Variants in ATP2B2 observed in about 807,000 individuals in gnomAD.
ATP2B2 encodes the protein plasma membrane calcium-transporting ATPase 2.
Under a neutral mutation model 120.0 loss-of-function variants are expected in ATP2B2, and 15 were observed. The observed-to-expected ratio is 0.12, with a 90% CI of 0.08 to 0.19. The LOEUF is 0.19. ATP2B2 is among the 10% of genes least tolerant of loss of function. The pLI is 1.00. For synonymous variants in ATP2B2, 694 were observed against 700.3 expected (o/e 0.99, Z 0.14); for missense variants, 1,045 against 1,719.8 (o/e 0.61, Z 6.94).
intron 1 of ATP2B2, among the ~76,000 whole-genome samples, chr3:10,644,091 A>G (rs1559501763): frequency 6.6e-6 from 1 of 152,222 alleles, no homozygotes; most frequent in Non-Finnish European, 1.5e-5. Context: ...AAAGGCAAAC[A>G]ACCCAATTTA....
In ATP2B2 at chr3:10,595,856, T is replaced by A. The variant is rs562309928; in HGVS notation, c.-415+24061A>T. ...ATAGCCTACAAGGCTCTATGTGAAC[T>A]GACCCCTGCCCAGCAATCTGACCTC... On this transcript the variant is annotated intron_variant, in intron 2 of 21. Coordinates refer to the ATP2B2 transcript ENST00000646379. Among the ~76,000 whole-genome samples the A allele has an allele frequency of 1.6e-4, 24 of 152,310 alleles. 1 individual carries two copies. In the South Asian group the frequency reaches 5.0e-3, roughly 32 times the overall value.
intron 12 of ATP2B2, among the ~76,000 whole-genome samples, chr3:10,370,106 C>T (rs1205419144): frequency 6.6e-6 from 1 of 152,218 alleles, no homozygotes; most frequent in East Asian, 1.9e-4. Flanking sequence ...AGACTCAATC[C>T]ACCAACATCT....
At chr3:10,540,640 G>A (rs1040376984) in intron 2 of ATP2B2, among the ~76,000 whole-genome samples, 2 of 148,280 alleles carry the variant, frequency 1.3e-5, no homozygotes, top group African/African-American at 2.5e-5. Context: ...AACATTGCGT[G>A]TTCTCACTCA....
chr3:10,649,079 T>A (rs989037389), intron 1 of ATP2B2, among the ~76,000 whole-genome samples: 9 of 152,202 alleles, frequency 5.9e-5, no homozygotes, highest in South Asian at 2.1e-4. Flanking sequence ...TTTAAATTTT[T>A]TTATTATTAT....
Position 10,379,261 on chromosome 3 carries a change from C to A in ATP2B2, c.1024G>T (p.Asp342Tyr). The A allele has an allele frequency of 6.2e-7, 1 of 1,613,918 alleles. No individual in the cohort carries two copies. Among genetic ancestry groups the A allele is most frequent in the South Asian group, 1.1e-5 (1 of 91,070 alleles). ...GGGTTACCTTTGCTCTGGCTGGCGT[C>A]CACATTGCCATCCTGCATTTTACCT... ...VNGKMQDGNV[D>Y]ASQSKAKQQD... Residue 342 changes from aspartate to tyrosine, a missense_variant, in exon 9 of 23, where the codon GAC (aspartate) becomes TAC (tyrosine). Asp to Tyr is a radical substitution (Grantham distance 160). Transcript: ENST00000360273.
At chr3:10,384,240 G>A (rs1022638837) in intron 8 of ATP2B2, among the ~76,000 whole-genome samples, 1 of 152,164 alleles carries the variant, frequency 6.6e-6, no homozygotes, top group East Asian at 1.9e-4. Context: ...TCCATATTTT[G>A]CAGGAGTGGT....
At chr3:10,553,241 CAG>C (rs1244117613) in intron 2 of ATP2B2, among the ~76,000 whole-genome samples, 1 of 152,192 alleles carries the variant, frequency 6.6e-6, no homozygotes, top group Non-Finnish European at 1.5e-5. Context: ...TAGATTTCTG[CAG>C]AGTGTTTAAG....
At chr3:10,672,615 G>T (rs2071129720) in intron 1 of ATP2B2, among the ~76,000 whole-genome samples, 1 of 152,224 alleles carries the variant, frequency 6.6e-6, no homozygotes, top group Admixed American at 6.5e-5. Context: ...CCAGGATGCT[G>T]TCACTACATT....
intron 1 of ATP2B2, among the ~76,000 whole-genome samples, chr3:10,491,992 G>T (rs780338972): frequency 5.3e-5 from 8 of 152,232 alleles, no homozygotes; most frequent in Non-Finnish European, 7.3e-5. Flanking sequence ...CGACAGTGTG[G>T]TTACATCAGG....
intron 1 of ATP2B2, among the ~76,000 whole-genome samples, chr3:10,502,206 C>A (rs184890342): frequency 6.6e-6 from 1 of 152,314 alleles, no homozygotes; most frequent in African/African-American, 2.4e-5. Flanking sequence ...GTTGCAGCAG[C>A]AAGGTGCTCA....
intron 1 of ATP2B2, among the ~76,000 whole-genome samples, chr3:10,493,490 G>C (rs1458643579): frequency 6.6e-6 from 1 of 152,172 alleles, no homozygotes; most frequent in Non-Finnish European, 1.5e-5. Context: ...AGACCCAGAA[G>C]GGCTTACAGG....
rs947960022 is a variant in ATP2B2 at position 10,573,796 on chromosome 3, G to A, written c.-414-39663C>T. On this transcript the variant is annotated intron_variant, in intron 2 of 21. Coordinates refer to the ATP2B2 transcript ENST00000646379. The stretch of plus-strand genomic sequence containing the variant: ...TCTATACAAACTGTTCCACTGGGAC[G>A]TCCTGGAGACTCCCTGACTAAACTC... Among the ~76,000 whole-genome samples, 3 of 152,106 alleles carry A rather than the reference G, an allele frequency of 2.0e-5. 1 individual carries two copies. The South Asian group carries it at 6.2e-4, about 31-fold the overall frequency.
chr3:10,382,255 C>CA (rs2061552964), intron 8 of ATP2B2, among the ~76,000 whole-genome samples: 1 of 133,934 alleles, frequency 7.5e-6, no homozygotes, highest in Admixed American at 8.3e-5. Context: ...AGGCTGGTCT[C>CA]AAACTCTTGA....
At chr3:10,377,489 T>C (rs3774165) in intron 10 of ATP2B2, among the ~76,000 whole-genome samples, 30,143 of 152,220 alleles carry the variant, frequency 0.2, 3,381 homozygotes, top group East Asian at 0.38. Context: ...GGGAAGGCCT[T>C]GGCATTTGCT....
intron 2 of ATP2B2, among the ~76,000 whole-genome samples, chr3:10,426,737 G>A (rs1446276206): frequency 6.6e-6 from 1 of 152,182 alleles, no homozygotes; most frequent in Non-Finnish European, 1.5e-5. Flanking sequence ...CCAGGAAAGC[G>A]GAAGCCTTCA....
At chr3:10,526,603 G>T (rs1418991110) in intron 3 of ATP2B2, among the ~76,000 whole-genome samples, 1 of 152,188 alleles carries the variant, frequency 6.6e-6, no homozygotes, top group African/African-American at 2.4e-5. Context: ...ATTCCCCTGT[G>T]TGGCACCCCC....
At chr3:10,669,754 C>G (rs1220620207) in intron 1 of ATP2B2, among the ~76,000 whole-genome samples, 1 of 152,150 alleles carries the variant, frequency 6.6e-6, no homozygotes, top group Non-Finnish European at 1.5e-5. Context: ...CATTTTATAA[C>G]CAAATTGTCA....
chr3:10,688,923 T>C (rs1457380327), intron 1 of ATP2B2, among the ~76,000 whole-genome samples: 1 of 152,160 alleles, frequency 6.6e-6, no homozygotes, highest in African/African-American at 2.4e-5. Context: ...TTTCCCTCCA[T>C]GGTGCAGATG....
chr3:10,677,192 G>A (rs886161329), intron 1 of ATP2B2, among the ~76,000 whole-genome samples: 5 of 152,266 alleles, frequency 3.3e-5, no homozygotes, highest in African/African-American at 7.2e-5. Flanking sequence ...TGGATAAACC[G>A]TGGTACACCC....
Sources: allele counts gnomAD v4.1 joint callset (sites outside exome capture counted in the v4.1 genomes callset), GRCh38; gene constraint gnomAD v4.1.1; transcripts MANE v1.5; gene names NCBI Gene and HGNC (gene_info 2026-07-23, HGNC 2026-07-21).